Variants in FBXL13 observed in about 807,000 individuals in gnomAD.
The protein encoded by FBXL13 is F-box and leucine-rich repeat protein 13.
FBXL13 carries 67 observed loss-of-function variants against 83.6 expected under a neutral mutation model. The ratio of observed to expected loss-of-function variants is 0.80; its 90% CI spans 0.66 to 0.98. The LOEUF is 0.98. Among genes scored for constraint, FBXL13 ranks in the 50% least tolerant of loss-of-function variants. The pLI, the probability that FBXL13 is intolerant of heterozygous loss-of-function variation, is 0.00. For synonymous variants in FBXL13, 272 were observed against 299.5 expected (o/e 0.91, Z 0.95); for missense variants, 822 against 866.5 (o/e 0.95, Z 0.64).
chr7:102,915,416 A>T (rs1815640216), intron 10 of FBXL13, among the ~76,000 whole-genome samples: 1 of 152,128 alleles, frequency 6.6e-6, no homozygotes, highest in African/African-American at 2.4e-5. Flanking sequence ...TCTTCCATTT[A>T]ATGAAATGGA....
Position 102,879,738 on chromosome 7 carries a change from T to G in FBXL13, c.1389-1288A>C, listed in dbSNP as rs146362559. On this transcript the variant is annotated intron_variant, in intron 14 of 19. Coordinates refer to ENST00000313221, the Ensembl canonical transcript of FBXL13. ...TTGTTTGTTTTTGAGACCAAGTCTC[T>G]CTCTGTCGCCCAGGCTGGAGTGCAG... Among the ~76,000 whole-genome samples, 566 of 152,186 alleles carry G rather than the reference T, an allele frequency of 3.7e-3. 5 individuals carry two copies. Among genetic ancestry groups the G allele is most frequent in the African/African-American group, 0.013 (559 of 41,520 alleles).
intron 19 of FBXL13, among the ~76,000 whole-genome samples, chr7:102,814,838 G>A (rs1326706452): frequency 3.3e-5 from 5 of 152,020 alleles, no homozygotes; most frequent in Non-Finnish European, 7.4e-5. Flanking sequence ...TTTTTAAGGT[G>A]CTAGCCTGCA....
At chr7:102,860,533 C>G (rs1806657197) in intron 16 of FBXL13, among the ~76,000 whole-genome samples, 2 of 152,174 alleles carry the variant, frequency 1.3e-5, no homozygotes, top group African/African-American at 4.8e-5. Context: ...AGATGGAACA[C>G]TGCCAGGAAC....
intron 2 of FBXL13, among the ~76,000 whole-genome samples, chr7:103,040,068 T>A (rs1236166931): frequency 6.6e-6 from 1 of 151,464 alleles, no homozygotes; most frequent in Non-Finnish European, 1.5e-5. Context: ...TGTGTTGTAT[T>A]CAGGAGACCC....
intron 7 of FBXL13, among the ~76,000 whole-genome samples, chr7:102,965,132 C>A (rs1825841202): frequency 6.6e-6 from 1 of 152,136 alleles, no homozygotes; most frequent in Non-Finnish European, 1.5e-5. Context: ...AAAGTTATAT[C>A]ATTGTAAAAG....
chr7:102,827,294 G>A (rs1799901239), intron 18 of FBXL13: 5 of 310,876 alleles, frequency 1.6e-5, no homozygotes, highest in South Asian at 1.2e-4. Flanking sequence ...GTCAAGAGAT[G>A]ACTGCAAAGA....
At chr7:103,048,752 A>G (rs1047324130) in intron 2 of FBXL13, among the ~76,000 whole-genome samples, 5 of 152,238 alleles carry the variant, frequency 3.3e-5, no homozygotes, top group Non-Finnish European at 5.9e-5. Context: ...TTTCACACAC[A>G]GAATTTCTTT....
At chr7:102,905,884 T>C (rs1160437296) in intron 11 of FBXL13, among the ~76,000 whole-genome samples, 1 of 152,050 alleles carries the variant, frequency 6.6e-6, no homozygotes, top group African/African-American at 2.4e-5. Flanking sequence ...AACAAACAAA[T>C]AAACATACAA....
chr7:102,834,089 A>AGGAAGGAAGGAAGGAAGGAAG (rs1291419171), intron 17 of FBXL13, among the ~76,000 whole-genome samples: 15 of 68,480 alleles, frequency 2.2e-4, no homozygotes, highest in Non-Finnish European at 4.1e-4. Flanking sequence ...AGGAAAGAAA[A>AGGAAGGAAGGAAGGAAGGAAG]GAAAGAAAGA....
intron 10 of FBXL13, among the ~76,000 whole-genome samples, chr7:102,915,119 A>AAT (rs1453804522): frequency 1.2e-4 from 18 of 144,162 alleles, no homozygotes; most frequent in South Asian, 6.7e-4. Flanking sequence ...TGGAGATTAA[A>AAT]ATATTTTTTT....
intron 10 of FBXL13, among the ~76,000 whole-genome samples, chr7:102,916,251 T>A (rs879401218): frequency 4.6e-5 from 7 of 152,164 alleles, no homozygotes; most frequent in Non-Finnish European, 8.8e-5. Context: ...CCTCCCAAAG[T>A]GCTGGGATTA....
intron 8 of FBXL13, among the ~76,000 whole-genome samples, chr7:102,951,375 C>CTAAATAAGTAAATAAA (rs1554475266): frequency 3.0e-5 from 4 of 133,904 alleles, no homozygotes; most frequent in Non-Finnish European, 6.3e-5. Context: ...GACTCCATCT[C>CTAAATAAGTAAATAAA]TAAATAAATA....
At chr7:102,814,689 T>C (rs1797752283) in intron 19 of FBXL13, among the ~76,000 whole-genome samples, 1 of 152,238 alleles carries the variant, frequency 6.6e-6, no homozygotes, top group South Asian at 2.1e-4. Context: ...TAATTCCTAG[T>C]TTGGAGCCAC....
In FBXL13 at chr7:102,869,386, C is replaced by T. The variant is rs1260090833; in HGVS notation, c.1635+8081G>A. On this transcript the variant is annotated intron_variant, in intron 16 of 19. Transcript: ENST00000313221. ...TACTCTGGATATTGAACCCTTGTCACGTAAGCATAGTTTGTAAATATTTTC... is the reference window on the plus strand; with the variant it reads ...TACTCTGGATATTGAACCCTTGTCATGTAAGCATAGTTTGTAAATATTTTC... Among the ~76,000 whole-genome samples, 47 of 152,130 alleles carry T rather than the reference C, an allele frequency of 3.1e-4. 1 individual carries two copies. Among genetic ancestry groups the T allele is most frequent in the Admixed American group, 2.8e-3 (43 of 15,286 alleles).
chr7:102,889,417 T>C (rs1811233875), intron 11 of FBXL13, among the ~76,000 whole-genome samples: 1 of 152,136 alleles, frequency 6.6e-6, no homozygotes, highest in African/African-American at 2.4e-5. Flanking sequence ...TTAATTTTTA[T>C]TATTATTATT....
chr7:103,060,371 C>T (rs1797789653), intron 1 of FBXL13, among the ~76,000 whole-genome samples: 1 of 152,018 alleles, frequency 6.6e-6, no homozygotes, highest in Non-Finnish European at 1.5e-5. Flanking sequence ...TATTTTTAAC[C>T]ATTCCACTGT....
At chr7:102,929,100 ACT>A (rs1442385896) in intron 9 of FBXL13, among the ~76,000 whole-genome samples, 1 of 151,956 alleles carries the variant, frequency 6.6e-6, no homozygotes, top group African/African-American at 2.4e-5. Flanking sequence ...TTAAATGCTG[ACT>A]CTGTGTGTTG....
intron 19 of FBXL13, among the ~76,000 whole-genome samples, chr7:102,817,204 C>G (rs1462096037): frequency 6.6e-6 from 1 of 152,156 alleles, no homozygotes; most frequent in Non-Finnish European, 1.5e-5. Context: ...TTTTGGCTGA[C>G]CTAATTTACA....
At chr7:102,840,416 G>T (rs1026362755) in intron 17 of FBXL13, among the ~76,000 whole-genome samples, 5 of 152,156 alleles carry the variant, frequency 3.3e-5, no homozygotes, top group Non-Finnish European at 5.9e-5. Flanking sequence ...CAATTACCTG[G>T]CACTAGTCCA....
Sources: gnomAD v4.1 joint callset for allele counts (sites outside exome capture counted in the v4.1 genomes callset) on GRCh38, gnomAD v4.1.1 for gene constraint, MANE v1.5 for transcripts, NCBI Gene and HGNC (gene_info 2026-07-23, HGNC 2026-07-21) for gene names.